The following PSMA2 variants were observed in gnomAD, a reference collection of about 807,000 sequenced individuals.
PSMA2 encodes proteasome 20S subunit alpha 2, also known as proteasome subunit alpha type-2.
PSMA2 carries 2 observed loss-of-function variants against 35.9 expected under a neutral mutation model. The ratio of observed to expected loss-of-function variants is 0.06; its 90% CI spans 0.02 to 0.18. The LOEUF (loss-of-function observed/expected upper bound fraction) is 0.18, where lower values mean the gene tolerates loss of function less well. Ranked by LOEUF, PSMA2 falls within the 10% of genes least tolerant of loss-of-function variation. PSMA2 has a pLI of 1.00. For missense variants in PSMA2, 126 were observed against 278.8 expected (o/e 0.45, Z 3.90); for synonymous variants, 97 against 98.2 (o/e 0.99, Z 0.07).
In PSMA2 at chr7:42,922,033, C is replaced by T. The variant is rs1786135596; in HGVS notation, c.457-102G>A. 35 of 836,580 alleles carry T rather than the reference C, an allele frequency of 4.2e-5. 2 individuals are homozygous for T. The South Asian group carries it at 4.8e-4, about 12-fold the overall frequency. 51.8% of individuals were successfully genotyped at this position (836,580 alleles called of 1,614,324 possible). On this transcript the variant is annotated intron_variant, in intron 5 of 7. Coordinates refer to ENST00000223321, the MANE Select transcript of PSMA2 (RefSeq NM_002787.5). ...AGCTTTATTAATTGTTCTCTAACTT[C>T]GAAGGTCACAGAATATTATTAGAAT...
chr7:42,927,689 T>C (rs1478085233), intron 1 of PSMA2, among the ~76,000 whole-genome samples: 14 of 152,206 alleles, frequency 9.2e-5, no homozygotes, highest in East Asian at 1.9e-4. Context: ...GTGGATCACC[T>C]GAGGTCAGGA....
At chr7:42,917,735 T>C (rs766475579) in intron 7 of PSMA2, 43 bp downstream of exon 7, 9 of 1,610,092 alleles carry the variant, frequency 5.6e-6, no homozygotes, top group Non-Finnish European at 7.6e-6. Context: ...AAGCAGTTAA[T>C]CATGAAATCA....
At position 42,932,167 on chromosome 7, in the gene PSMA2, G is replaced by C. The variant is rs1554327422; in HGVS notation, c.-9C>G. On this transcript the variant is annotated 5_prime_UTR_variant, in exon 1 of 8. Transcript: ENST00000223321. ...TACCCGCGCTCCGCCATCTTTACCC[G>C]AAGAGCCAAAGCACAGCCGCACACA... 6.2e-7 allele frequency: 1 copy of C among 1,614,104 alleles called. No homozygotes were observed.
chr7:42,921,739 AT>A, intron 6 of PSMA2, 118 bp downstream of exon 6: 1 of 682,574 alleles, frequency 1.5e-6, no homozygotes, highest in Non-Finnish European at 2.4e-6. Flanking sequence ...CTGTAACTAG[AT>A]TCATATACAG....
intron 6 of PSMA2, chr7:42,921,595 T>G (rs112994664): frequency 1.0e-5 from 3 of 296,794 alleles, no homozygotes; most frequent in Non-Finnish European, 1.8e-5. Context: ...AAAAGTGAAG[T>G]AAAAAGTAAA....
intron 6 of PSMA2, chr7:42,919,491 C>T (rs1786089856): frequency 1.5e-5 from 8 of 522,600 alleles, no homozygotes; most frequent in South Asian, 1.3e-4. Context: ...TAAAAAGGCC[C>T]TATGGTACAG....
At chr7:42,922,192 A>G (rs372870531) in intron 5 of PSMA2, among the ~76,000 whole-genome samples, 140 of 152,294 alleles carry the variant, frequency 9.2e-4, no homozygotes, top group African/African-American at 3.2e-3. Flanking sequence ...AGGCATTTAC[A>G]TATATCAGAA....
intron 6 of PSMA2, chr7:42,919,474 C>G (rs1469604324): frequency 1.9e-6 from 1 of 526,540 alleles, no homozygotes; most frequent in Non-Finnish European, 3.8e-6. Context: ...GATCACAGCT[C>G]TGATATTAAA....
intron 1 of PSMA2, 86 bp from the exon 2 acceptor site, chr7:42,927,545 G>A (rs897507851): frequency 9.1e-6 from 12 of 1,320,004 alleles, no homozygotes; most frequent in Middle Eastern, 2.2e-4. Context: ...AGACATACAG[G>A]TCAAATCCAA....
In PSMA2 at chr7:42,926,499, T is replaced by A. The variant is rs369763250; in HGVS notation, c.251+37A>T. On this transcript the variant is annotated intron_variant, in intron 3 of 7. Transcript: ENST00000223321. ...GAAAATACAGATTACAATCAATTCA[T>A]GAGATGGTGAGAAACACTATAAAAA... is the stretch of plus-strand genomic sequence containing the variant. The A allele has an allele frequency of 1.3e-4, 197 of 1,500,992 alleles. No individual in the cohort carries two copies. The Middle Eastern group carries it at 2.0e-3, about 15-fold the overall frequency. The allele number at this position is 1,500,992 out of a possible 1,614,324, so 93.0% of individuals were successfully genotyped here.
At chr7:42,918,014 G>T (rs1390036459) in intron 6 of PSMA2, 179 bp from the exon 7 acceptor site, 12 of 474,814 alleles carry the variant, frequency 2.5e-5, no homozygotes, top group Non-Finnish European at 4.1e-5. Context: ...GACAATATCT[G>T]GTGCTCAATT....
At chr7:42,931,710 A>G (rs1015542176) in intron 1 of PSMA2, among the ~76,000 whole-genome samples, 6 of 152,176 alleles carry the variant, frequency 3.9e-5, no homozygotes, top group Non-Finnish European at 8.8e-5. Flanking sequence ...GGAACCCCAC[A>G]TATTTGACCA....
At chr7:42,922,330 G>T (rs1399920935) in intron 5 of PSMA2, among the ~76,000 whole-genome samples, 1 of 152,042 alleles carries the variant, frequency 6.6e-6, no homozygotes, top group African/African-American at 2.4e-5. Context: ...ATAGACTGAA[G>T]CGATTTAAAA....
At chr7:42,925,110 C>T (rs1361692780) in intron 3 of PSMA2, among the ~76,000 whole-genome samples, 1 of 23,864 alleles carries the variant, frequency 4.2e-5, no homozygotes, top group Non-Finnish European at 9.0e-5. Flanking sequence ...TTACAGCTCA[C>T]CCCAGCCCAC....
At position 42,921,559 on chromosome 7, in the gene PSMA2, T is replaced by A. The variant is rs112131194; in HGVS notation, c.530+299A>T. ...ATGTTTTATTCCAGATTCAATGTTC[T>A]TTTTTTTCCCTCCTGAAATGGCACA... On this transcript the variant is annotated intron_variant, in intron 6 of 7. Coordinates refer to ENST00000223321, the MANE Select transcript of PSMA2 (RefSeq NM_002787.5). The A allele has an allele frequency of 2.0e-3, 444 of 223,672 alleles. 4 individuals are homozygous for A. Among genetic ancestry groups the A allele is most frequent in the African/African-American group, 9.6e-3 (425 of 44,220 alleles). 13.9% of individuals were successfully genotyped at this position (223,672 alleles called of 1,614,324 possible). A position where few individuals can be genotyped will look rare whatever the true frequency, so the allele number is the denominator to read the frequency against.
chr7:42,930,227 A>ACACACACACACACG (rs987973198), intron 1 of PSMA2, among the ~76,000 whole-genome samples: 2 of 1,008 alleles, frequency 2.0e-3, no homozygotes, highest in Admixed American at 0.067. Flanking sequence ...ACACACACGC[A>ACACACACACACACG]CACACACACA....
At chr7:42,924,628 T>A (rs1287085666) in intron 4 of PSMA2, 47 bp downstream of exon 4, 2 of 1,571,772 alleles carry the variant, frequency 1.3e-6, no homozygotes, top group Admixed American at 3.6e-5. Context: ...TTAAAATAAC[T>A]TCCCCCTACA....
At chr7:42,920,339 A>G (rs1786106852) in intron 6 of PSMA2, 2 of 159,572 alleles carry the variant, frequency 1.3e-5, no homozygotes, top group Admixed American at 6.3e-5. Context: ...TTTAATGAAT[A>G]TGTACAAGAT....
chr7:42,919,852 G>A, intron 6 of PSMA2: 1 of 747,668 alleles, frequency 1.3e-6, no homozygotes, highest in Middle Eastern at 2.9e-4. Context: ...CCTATTCACT[G>A]TGTGAGATTT....
Sources: gnomAD v4.1 joint callset for allele counts (sites outside exome capture counted in the v4.1 genomes callset) on GRCh38, gnomAD v4.1.1 for gene constraint, MANE v1.5 for transcripts, NCBI Gene and HGNC (gene_info 2026-07-23, HGNC 2026-07-21) for gene names.